TOPAZ1: variants seen among roughly 807,000 people sequenced by gnomAD.
TOPAZ1 encodes the protein protein TOPAZ1.
TOPAZ1 carries 66 observed loss-of-function variants against 172.2 expected under a neutral mutation model. The ratio of observed to expected loss-of-function variants is 0.38; its 90% CI spans 0.31 to 0.47. The LOEUF (loss-of-function observed/expected upper bound fraction) is 0.47, where lower values mean the gene tolerates loss of function less well. Ranked by LOEUF, TOPAZ1 falls within the 20% of genes least tolerant of loss-of-function variation. The pLI is 0.99. For synonymous variants in TOPAZ1, 681 were observed against 683.9 expected, an observed-to-expected ratio of 1.00 and a Z score of 0.07; for missense variants, 1,822 against 1,972.4, an observed-to-expected ratio of 0.92 and a Z score of 1.44.
intron 11 of TOPAZ1, among the ~76,000 whole-genome samples, chr3:44,288,554 G>T (rs1197491540): frequency 6.6e-6 from 1 of 151,976 alleles, no homozygotes; most frequent in Non-Finnish European, 1.5e-5. Context: ...GCATGGTGGC[G>T]CACTCCTATA....
chr3:44,331,842 A>G lies in TOPAZ1; in HGVS notation c.4910A>G (p.Glu1637Gly). 1 of 1,552,202 alleles carries G rather than the reference A, an allele frequency of 6.4e-7. No individual in the cohort carries two copies. The highest frequency in any genetic ancestry group is 2.4e-5 in the East Asian group (1 of 40,904). ...RSNDDYQAAV[E>G]RLIMAARISD... ...AATGATGATTATCAAGCTGCAGTAG[A>G]AAGGTTAATTATGGCTGCTCGTATA... The change falls in exon 20 of 20, where the codon GAA becomes GGA. Residue 1637 changes from glutamate (E) to glycine (G), a missense_variant. Coordinates refer to ENST00000309765, the MANE Select transcript of TOPAZ1 (RefSeq NM_001145030.2).
At chr3:44,332,346 C>T (rs1407878139), downstream of TOPAZ1, among the ~76,000 whole-genome samples, 1 of 152,048 alleles carries the variant, frequency 6.6e-6, no homozygotes, top group Admixed American at 6.6e-5. Flanking sequence ...CTGGAGTTTT[C>T]AGGAAAACAT....
At position 44,305,184 on chromosome 3, in the gene TOPAZ1, A is replaced by G. The variant is rs1374624806; in HGVS notation, c.3902A>G (p.Lys1301Arg). 1 of 1,537,316 alleles carries G rather than the reference A, an allele frequency of 6.5e-7. No homozygotes were observed. Among genetic ancestry groups the G allele is most frequent in the South Asian group, 1.2e-5 (1 of 80,516 alleles). Reference protein sequence around the residue: ...KEKGDWTKLGKLYINVKMGCE... With the variant: ...KEKGDWTKLGRLYINVKMGCE... ...AAAGGTGACTGGACCAAATTGGGAA[A>G]ATTATACATTAACGTAAAAATGGGC... is the stretch of plus-strand genomic sequence containing the variant. The change falls in exon 14 of 20, where the codon AAA becomes AGA. Residue 1301 changes from lysine (K) to arginine (R), a missense_variant. Lys to Arg is a conservative substitution (Grantham distance 26). Coordinates refer to ENST00000309765, the MANE Select transcript of TOPAZ1 (RefSeq NM_001145030.2).
At chr3:44,251,089 G>T (rs1429400647) in intron 2 of TOPAZ1, among the ~76,000 whole-genome samples, 2 of 152,038 alleles carry the variant, frequency 1.3e-5, no homozygotes, top group Non-Finnish European at 2.9e-5. Flanking sequence ...CATCTCAAAA[G>T]GAGGCAGTGA....
rs746033024 is a variant in TOPAZ1 at position 44,244,122 on chromosome 3, C to T, written c.1616C>T (p.Thr539Ile). Reference sequence around the variant, plus strand: ...GTCCCTAAACACCAAACAAACCAGACCCATTTAACTGACTCCAAATTATTA... The same window carrying T: ...GTCCCTAAACACCAAACAAACCAGATCCATTTAACTGACTCCAAATTATTA... ...VDVPKHQTNQTHLTDSKLLLQ... is the reference protein window; with the variant it reads ...VDVPKHQTNQIHLTDSKLLLQ... The change falls in exon 2 of 20, where the codon ACC becomes ATC. Residue 539 changes from threonine to isoleucine, a missense_variant. By Grantham distance (89) the Thr-to-Ile change is moderately conservative (BLOSUM62 -1). Around this residue, in one of 2 missense-constraint regions of TOPAZ1, gnomAD observed 1,489 missense variants for 1,490.8 expected, o/e 1.00. Transcript: ENST00000309765. The T allele has an allele frequency of 1.3e-6, 2 of 1,551,462 alleles. No individual in the cohort carries two copies. Among genetic ancestry groups the T allele is most frequent in the African/African-American group, 1.4e-5 (1 of 73,032 alleles).
At chr3:44,303,330 T>A (rs964928920) in intron 12 of TOPAZ1, among the ~76,000 whole-genome samples, 16 of 152,186 alleles carry the variant, frequency 1.1e-4, no homozygotes, top group African/African-American at 3.4e-4. Context: ...TGCCTTTTTT[T>A]AAATTTTCTT....
chr3:44,286,504 A>G (rs1700080477), intron 9 of TOPAZ1, among the ~76,000 whole-genome samples: 2 of 152,194 alleles, frequency 1.3e-5, no homozygotes, highest in Non-Finnish European at 2.9e-5. Context: ...GAATATTGTT[A>G]TACCATATTA....
rs989779158 is a variant in TOPAZ1, at chr3:44,242,032, C to G, written c.-22C>G. The G allele has an allele frequency of 6.5e-7, 1 of 1,536,936 alleles. No individual in the cohort carries two copies. Among genetic ancestry groups the G allele is most frequent in the Non-Finnish European group, 8.7e-7 (1 of 1,144,834 alleles). The stretch of plus-strand genomic sequence containing the variant: ...CCTGCGAGCTGGTGCAGAGGGGCCC[C>G]AGCGGGCCGGCCCCGGGGCACATGC... On this transcript the variant is annotated 5_prime_UTR_variant, in exon 1 of 20. Transcript: ENST00000309765.
At chr3:44,318,546 C>T (rs967541067) in intron 16 of TOPAZ1, among the ~76,000 whole-genome samples, 34 of 151,786 alleles carry the variant, frequency 2.2e-4, no homozygotes, top group Non-Finnish European at 4.9e-4. Context: ...AGGCTTAGTC[C>T]CAACAACTCA....
intron 8 of TOPAZ1, 68 bp downstream of exon 8, chr3:44,270,878 A>T (rs370310336): frequency 7.2e-7 from 1 of 1,395,292 alleles, no homozygotes. Flanking sequence ...ATTTTAATTT[A>T]GATTTTCATT....
intron 9 of TOPAZ1, among the ~76,000 whole-genome samples, chr3:44,286,150 G>A (rs1478005233): frequency 6.6e-6 from 1 of 152,040 alleles, no homozygotes; most frequent in Admixed American, 6.5e-5. Context: ...GGAAGGCAGA[G>A]GTTGCAGTGA....
intron 2 of TOPAZ1, among the ~76,000 whole-genome samples, chr3:44,254,490 C>T (rs1031003213): frequency 1.8e-4 from 28 of 151,790 alleles, no homozygotes; most frequent in Admixed American, 9.9e-4. Flanking sequence ...AGCTGGGCGT[C>T]GTGGTGCATG....
chr3:44,298,925 T>TGTTTGTTTG lies in TOPAZ1; in HGVS notation c.3798-5090_3798-5089insGTTTGTTTG, dbSNP rs1378732583. Among the ~76,000 whole-genome samples the TGTTTGTTTG allele has an allele frequency of 5.4e-4, 27 of 49,848 alleles. 1 individual carries two copies. The highest frequency in any genetic ancestry group is 9.1e-3 in the Middle Eastern group (1 of 110). The allele number at this position is 49,848 out of a possible 152,430, so 32.7% of individuals were successfully genotyped here. A position where few individuals can be genotyped will look rare whatever the true frequency, so the allele number is the denominator to read the frequency against. On this transcript the variant is annotated intron_variant, in intron 12 of 19. Transcript: ENST00000309765. ...TATATATATATTTTTTTTTTTTTTT[T>TGTTTGTTTG]TTTTTTTTTCCCCCTGAGATAGAGT...
intron 16 of TOPAZ1, 135 bp from the exon 17 acceptor site, chr3:44,320,892 T>C: frequency 1.8e-6 from 1 of 549,048 alleles, no homozygotes; most frequent in Non-Finnish European, 3.1e-6. Flanking sequence ...ATTTGAGCCA[T>C]GGTTATCTTC....
chr3:44,285,400 A>C (rs1188803553), intron 9 of TOPAZ1, among the ~76,000 whole-genome samples: 1 of 152,092 alleles, frequency 6.6e-6, no homozygotes, highest in East Asian at 1.9e-4. Context: ...CAGGAGGCAG[A>C]GGTTGCAGTG....
chr3:44,300,074 C>T (rs1305617435), intron 12 of TOPAZ1, among the ~76,000 whole-genome samples: 2 of 149,942 alleles, frequency 1.3e-5, no homozygotes, highest in Admixed American at 1.3e-4. Context: ...GCACATTGTG[C>T]ACATGTACCC....
In TOPAZ1 at chr3:44,269,581, A is replaced by T. The variant is rs201889897; in HGVS notation, c.3246+280A>T. Among the ~76,000 whole-genome samples the T allele has an allele frequency of 3.2e-3, 426 of 133,328 alleles. 4 individuals carry two copies. The highest frequency in any genetic ancestry group is 1.0e-2 in the African/African-American group (356 of 35,660). 87.5% of individuals were successfully genotyped at this position (133,328 alleles called of 152,430 possible). On this transcript the variant is annotated intron_variant, in intron 7 of 19. Coordinates refer to ENST00000309765, the MANE Select transcript of TOPAZ1 (RefSeq NM_001145030.2). The stretch of plus-strand genomic sequence containing the variant: ...GCTCACTGCCCCTTAAAAAAAAAAA[A>T]TTTTCATAAAACCAATACTTTGGAC...
At chr3:44,252,004 A>G (rs1175889295) in intron 2 of TOPAZ1, among the ~76,000 whole-genome samples, 2 of 152,124 alleles carry the variant, frequency 1.3e-5, no homozygotes, top group Non-Finnish European at 2.9e-5. Flanking sequence ...TGTCTCTCAA[A>G]TTCCAAACAA....
intron 12 of TOPAZ1, among the ~76,000 whole-genome samples, chr3:44,296,854 A>G (rs1268901305): frequency 2.4e-5 from 3 of 124,982 alleles, no homozygotes; most frequent in South Asian, 2.7e-4. Context: ...TACCAAAAAA[A>G]AAAAAAAAAA....
Sources: gnomAD v4.1 joint callset for allele counts (sites outside exome capture counted in the v4.1 genomes callset) on GRCh38, gnomAD v4.1.1 for gene constraint, gnomAD v4.1.1 regional missense constraint, MANE v1.5 for transcripts, NCBI Gene and HGNC (gene_info 2026-07-23, HGNC 2026-07-21) for gene names.